The following RABGEF1 variants were observed in gnomAD, a reference collection of about 807,000 sequenced individuals.
RABGEF1 encodes the protein RAB guanine nucleotide exchange factor 1, also known as rab5 GDP/GTP exchange factor.
Under a neutral mutation model 57.3 loss-of-function variants are expected in RABGEF1, and 26 were observed. That is an observed-to-expected ratio of 0.45 (90% CI 0.33 to 0.63). The LOEUF (loss-of-function observed/expected upper bound fraction) is 0.63. Ranked by LOEUF, RABGEF1 falls within the 20% of genes least tolerant of loss-of-function variation. The probability of loss-of-function intolerance (pLI) is 0.02; values close to 1 mark genes in which losing one functional copy is unlikely to be tolerated. For synonymous variants in RABGEF1, 185 were observed against 210.7 expected, an observed-to-expected ratio of 0.88 and a Z score of 1.06; for missense variants, 464 against 607.6, an observed-to-expected ratio of 0.76 and a Z score of 2.48.
intron 1 of RABGEF1, among the ~76,000 whole-genome samples, chr7:66,752,762 C>T (rs558544735): frequency 2.6e-5 from 4 of 152,334 alleles, no homozygotes; most frequent in Non-Finnish European, 4.4e-5. Context: ...TGTGTTTTAA[C>T]TAGTCTTCCA....
intron 1 of RABGEF1, among the ~76,000 whole-genome samples, chr7:66,741,977 A>AT (rs1250834603): frequency 9.2e-6 from 1 of 109,094 alleles, no homozygotes; most frequent in Non-Finnish European, 2.1e-5. Context: ...TCTACTACAA[A>AT]TAAAAAAAAA....
chr7:66,759,159 T>C (rs769485718), intron 1 of RABGEF1, among the ~76,000 whole-genome samples: 3 of 152,242 alleles, frequency 2.0e-5, no homozygotes, highest in Non-Finnish European at 4.4e-5. Context: ...GACTCTGTAG[T>C]CACATCCTGT....
chr7:66,679,425 T>C (rs1458011743), upstream of RABGEF1, among the ~76,000 whole-genome samples: 8 of 152,152 alleles, frequency 5.3e-5, no homozygotes, highest in Admixed American at 4.6e-4. Flanking sequence ...CCTACCACTT[T>C]GGCCTCCAGA....
At chr7:66,705,198 C>G (rs898563721) in intron 1 of RABGEF1, among the ~76,000 whole-genome samples, 10 of 151,976 alleles carry the variant, frequency 6.6e-5, no homozygotes, top group Non-Finnish European at 1.2e-4. Flanking sequence ...GTCAGGAGTT[C>G]GAAACAAGCT....
intron 1 of RABGEF1, among the ~76,000 whole-genome samples, chr7:66,683,130 A>G (rs980220380): frequency 1.6e-4 from 25 of 152,096 alleles, no homozygotes; most frequent in Admixed American, 4.6e-4. Context: ...TCTAAATCTA[A>G]AACTGCTTTG....
chr7:66,685,306 A>T (rs1210164432), intron 1 of RABGEF1, among the ~76,000 whole-genome samples: 1 of 152,034 alleles, frequency 6.6e-6, no homozygotes, highest in African/African-American at 2.4e-5. Context: ...GGCACTCGCC[A>T]CCATGCCCAG....
chr7:66,664,956 G>T, the RABGEF1 span, among the ~76,000 whole-genome samples: 344 of 152,338 alleles, frequency 2.3e-3, 2 homozygotes, highest in African/African-American at 8.1e-3. Flanking sequence ...TGGCCCCCAC[G>T]GCAGGTGGCT....
At chr7:66,656,770 A>G in the RABGEF1 span, among the ~76,000 whole-genome samples, 1 of 150,052 alleles carries the variant, frequency 6.7e-6, no homozygotes, top group South Asian at 2.1e-4. Context: ...TGGGGAGTCA[A>G]GATCACGCCA....
At chr7:66,756,831 T>C (rs1438441840) in intron 1 of RABGEF1, among the ~76,000 whole-genome samples, 2 of 152,188 alleles carry the variant, frequency 1.3e-5, no homozygotes, top group African/African-American at 2.4e-5. Flanking sequence ...TGACCAGTTA[T>C]TGCAACACTA....
At chr7:66,754,005 ATT>A (rs759263334) in intron 1 of RABGEF1, among the ~76,000 whole-genome samples, 14 of 108,372 alleles carry the variant, frequency 1.3e-4, no homozygotes, top group Non-Finnish European at 1.8e-4. Flanking sequence ...GTACTAGGCC[ATT>A]TTTTTTTTTT....
At chr7:66,732,444 G>A (rs1797431930) in intron 2 of RABGEF1, among the ~76,000 whole-genome samples, 1 of 152,108 alleles carries the variant, frequency 6.6e-6, no homozygotes, top group Admixed American at 6.5e-5. Context: ...GCAGTAAGTG[G>A]GTGTTTTAGG....
intron 2 of RABGEF1, among the ~76,000 whole-genome samples, chr7:66,732,343 G>A (rs1331620827): frequency 6.6e-6 from 1 of 152,236 alleles, no homozygotes; most frequent in Non-Finnish European, 1.5e-5. Context: ...TTGGGCTCAG[G>A]CCTGGCATCT....
At chr7:66,741,126 C>G (rs2129047476) in intron 1 of RABGEF1, among the ~76,000 whole-genome samples, 1 of 152,282 alleles carries the variant, frequency 6.6e-6, no homozygotes, top group East Asian at 1.9e-4. Context: ...GGCGGCTCCC[C>G]TCGCCCCGGC....
chr7:66,663,020 G>T, the RABGEF1 span, among the ~76,000 whole-genome samples: 1 of 152,258 alleles, frequency 6.6e-6, no homozygotes, highest in Non-Finnish European at 1.5e-5. Context: ...TGGATTTACG[G>T]GAATGAGGGC....
At chr7:66,669,886 C>T in the RABGEF1 span, 1 of 152,148 alleles carries the variant, frequency 6.6e-6, no homozygotes, top group Non-Finnish European at 1.5e-5. Context: ...CTCTTCAATT[C>T]TACCTCCAAA....
chr7:66,665,104 C>T, the RABGEF1 span: 2 of 152,212 alleles, frequency 1.3e-5, no homozygotes, highest in Admixed American at 1.3e-4. Context: ...AGTCAGGCCC[C>T]TGGCTCTGGG....
intron 1 of RABGEF1, among the ~76,000 whole-genome samples, chr7:66,684,780 A>G (rs1243626183): frequency 1.3e-5 from 2 of 152,016 alleles, no homozygotes; most frequent in Non-Finnish European, 2.9e-5. Context: ...GACTGCAGGC[A>G]CCCGCCACCA....
At chr7:66,726,467 C>T (rs1211512869) in intron 2 of RABGEF1, among the ~76,000 whole-genome samples, 1 of 152,068 alleles carries the variant, frequency 6.6e-6, no homozygotes, top group Non-Finnish European at 1.5e-5. Context: ...TGGGTTCAAG[C>T]GATCCTCCCA....
intron 2 of RABGEF1, among the ~76,000 whole-genome samples, chr7:66,723,124 A>G (rs1368332579): frequency 6.6e-6 from 1 of 152,008 alleles, no homozygotes; most frequent in African/African-American, 2.4e-5. Flanking sequence ...AAGCGCTGCC[A>G]CGCCCGGCTA....
Sources: allele counts gnomAD v4.1 joint callset (sites outside exome capture counted in the v4.1 genomes callset), GRCh38; gene constraint gnomAD v4.1.1; transcripts MANE v1.5; gene names NCBI Gene and HGNC (gene_info 2026-07-23, HGNC 2026-07-21).